Variants in PAXBP1 observed in about 807,000 individuals in gnomAD.
PAXBP1 encodes the protein PAX3- and PAX7-binding protein 1.
PAXBP1 carries 44 observed loss-of-function variants against 119.9 expected under a neutral mutation model. The observed-to-expected ratio is 0.37, with a 90% CI of 0.29 to 0.47. PAXBP1 has a LOEUF of 0.47. PAXBP1 is among the 20% of genes least tolerant of loss of function. PAXBP1 has a pLI of 0.99. For missense variants in PAXBP1, 898 were observed against 1,134.1 expected (o/e 0.79, Z 2.99); for synonymous variants, 393 against 406.6 (o/e 0.97, Z 0.40).
In PAXBP1 at chr21:32,739,937, TTAAAAA is replaced by T. The variant is rs1462732319; in HGVS notation, c.2335-1624_2335-1619del. 1.7e-3 allele frequency among the ~76,000 whole-genome samples: 105 copies of T among 62,812 alleles called. 3 individuals are homozygous for T. The South Asian group carries it at 0.02, about 12-fold the overall frequency. 41.2% of individuals were successfully genotyped at this position (62,812 alleles called of 152,430 possible). A position where few individuals can be genotyped will look rare whatever the true frequency, so the allele number is the denominator to read the frequency against. ...CTAGGCAACACAAGACCTCGTCTCTTTAAAAAAAAAAAAAAAAAAAAAAAAAAAAAG... is the reference window on the plus strand; with the variant it reads ...CTAGGCAACACAAGACCTCGTCTCTTAAAAAAAAAAAAAAAAAAAAAAAAG... On this transcript the variant is annotated intron_variant, in intron 15 of 17. Coordinates refer to ENST00000331923, the MANE Select transcript of PAXBP1 (RefSeq NM_016631.4).
intron 7 of PAXBP1, among the ~76,000 whole-genome samples, chr21:32,757,229 A>G (rs889732852): frequency 2.6e-5 from 4 of 152,164 alleles, no homozygotes; most frequent in African/African-American, 9.6e-5. Context: ...AAAGTATCCA[A>G]TTATTTCTAA....
intron 1 of PAXBP1, among the ~76,000 whole-genome samples, chr21:32,770,170 GTAACTTC>G: frequency 6.6e-6 from 1 of 152,162 alleles, no homozygotes; most frequent in Non-Finnish European, 1.5e-5. Context: ...AATAGCACAT[GTAACTTC>G]ACAAAATTTT....
intron 13 of PAXBP1, 106 bp from the exon 14 acceptor site, chr21:32,743,860 C>A: frequency 1.5e-6 from 1 of 649,182 alleles, no homozygotes; most frequent in Non-Finnish European, 2.6e-6. Context: ...GAACTAGTTT[C>A]TCAAATTTTT....
intron 17 of PAXBP1, 40 bp downstream of exon 17, chr21:32,737,214 A>C: frequency 1.4e-6 from 2 of 1,417,152 alleles, no homozygotes; most frequent in East Asian, 2.5e-5. Flanking sequence ...TCTGGCAACT[A>C]AACAACTCTA....
chr21:32,749,737 GT>G (rs1270336522), intron 10 of PAXBP1, among the ~76,000 whole-genome samples: 1 of 152,026 alleles, frequency 6.6e-6, no homozygotes, highest in African/African-American at 2.4e-5. Context: ...CTAAATTCCA[GT>G]TTACAAGAAA....
intron 8 of PAXBP1, 76 bp downstream of exon 8, chr21:32,755,154 C>G (rs1449914829): frequency 3.2e-6 from 4 of 1,253,962 alleles, no homozygotes; most frequent in Non-Finnish European, 4.2e-6. Flanking sequence ...GCTCCAAGAT[C>G]TCTAATTTTC....
chr21:32,746,167 G>T (rs1475660757), intron 11 of PAXBP1, among the ~76,000 whole-genome samples: 2 of 152,114 alleles, frequency 1.3e-5, no homozygotes, highest in African/African-American at 4.8e-5. Context: ...AAAAATCCTA[G>T]AAGAAAATCT....
chr21:32,747,819 G>A (rs942140103), intron 11 of PAXBP1, among the ~76,000 whole-genome samples: 13 of 144,546 alleles, frequency 9.0e-5, no homozygotes, highest in Non-Finnish European at 1.8e-4. Context: ...GGCAGGTCTT[G>A]TTCTATCACC....
intron 8 of PAXBP1, chr21:32,751,906 TTTCAG>T (rs1349512298): frequency 4.6e-5 from 7 of 152,274 alleles, no homozygotes; most frequent in African/African-American, 1.7e-4. Context: ...TAAATTTATA[TTTCAG>T]TTATCATATT....
chr21:32,771,574 A>T lies in PAXBP1; in HGVS notation c.95T>A (p.Leu32Ter). Reference protein sequence around the residue: ...ERDEEQEPPPLLPPPGTGEEA... With the variant: ...ERDEEQEPPP ...TTCGCCCGTGCCCGGCGGCGGCAAC[A>T]ACGGCGGCGGCTCCTGCTCCTCATC... The change falls in exon 1 of 18, where the codon TTG becomes TAG. Residue 32 changes from leucine to a stop codon, truncating the protein, a stop_gained. Transcript: ENST00000331923. LOFTEE classifies it high-confidence loss of function. The T allele has an allele frequency of 2.1e-6, 3 of 1,435,602 alleles. No homozygotes were observed. Among genetic ancestry groups the T allele is most frequent in the Non-Finnish European group, 2.7e-6 (3 of 1,098,264 alleles). The allele number at this position is 1,435,602 out of a possible 1,614,324, so 88.9% of individuals were successfully genotyped here.
rs748622609 is a variant in PAXBP1, at chr21:32,764,397, A to C, written c.600T>G (p.Thr200=). 1 of 1,613,846 alleles carries C rather than the reference A, an allele frequency of 6.2e-7. No homozygotes were observed. Among genetic ancestry groups the C allele is most frequent in the Non-Finnish European group, 8.5e-7 (1 of 1,179,888 alleles). ...ATAAAGCATTTGAAAAAGCTCCACCAGTCTTTGGCTTTTCTTCCTCTTTTT... is the reference window on the plus strand; with the variant it reads ...ATAAAGCATTTGAAAAAGCTCCACCCGTCTTTGGCTTTTCTTCCTCTTTTT... ...ESEKEEEKPK[T]GGAFSNALSS... Residue 200 remains threonine, a synonymous_variant, in exon 3 of 18, where the codon ACT becomes ACG. Transcript: ENST00000331923.
At chr21:32,750,887 A>G (rs1489110869) in intron 10 of PAXBP1, 30 bp downstream of exon 10, 1 of 1,516,618 alleles carries the variant, frequency 6.6e-7, no homozygotes, top group Admixed American at 1.8e-5. Context: ...TAAACTGATG[A>G]TGAGTCTTAT....
chr21:32,760,109 T>C (rs998635813), intron 5 of PAXBP1, 115 bp from the exon 6 acceptor site: 9 of 737,264 alleles, frequency 1.2e-5, no homozygotes, highest in African/African-American at 5.4e-5. Flanking sequence ...CCAAATATTA[T>C]GTAATAATTG....
rs2044107945 is a variant in PAXBP1 at position 32,759,817 on chromosome 21, G to A, written c.1153C>T (p.Pro385Ser). ...TTCTTTACCAAATCAATAGTAACGGGAGTCATCTCATTACTGGGAGTTTTG... is the reference window on the plus strand; with the variant it reads ...TTCTTTACCAAATCAATAGTAACGGAAGTCATCTCATTACTGGGAGTTTTG... ...PFKTPSNEMT[P>S]VTIDLVKKQL... is the part of the protein sequence containing the mutation. The change falls in exon 6 of 18, where the codon CCC becomes TCC. Residue 385 changes from proline (P) to serine (S), a missense_variant. By Grantham distance (74) the Pro-to-Ser change is moderately conservative. Around this residue, in one of 2 missense-constraint regions of PAXBP1, gnomAD observed 599 missense variants for 852.7 expected, o/e 0.70. Transcript: ENST00000331923. 1.2e-6 allele frequency: 2 copies of A among 1,613,922 alleles called. No homozygotes were observed. Among genetic ancestry groups the A allele is most frequent in the African/African-American group, 1.3e-5 (1 of 74,906 alleles).
chr21:32,740,803 T>G (rs913895934), intron 15 of PAXBP1, among the ~76,000 whole-genome samples: 1 of 151,484 alleles, frequency 6.6e-6, no homozygotes, highest in African/African-American at 2.4e-5. Flanking sequence ...AATGGAAAGA[T>G]AAGCCACAAA....
intron 2 of PAXBP1, among the ~76,000 whole-genome samples, chr21:32,768,799 GA>G (rs1449032913): frequency 1.3e-5 from 2 of 152,206 alleles, no homozygotes; most frequent in African/African-American, 4.8e-5. Context: ...TCTTTCACAT[GA>G]AACTTCTAAC....
intron 5 of PAXBP1, among the ~76,000 whole-genome samples, chr21:32,760,760 G>C (rs890403895): frequency 2.0e-5 from 3 of 152,078 alleles, no homozygotes; most frequent in African/African-American, 4.8e-5. Flanking sequence ...ATGAGCTACC[G>C]GGTAATGCTA....
Position 32,759,128 on chromosome 21 carries a change from T to C in PAXBP1, c.1335A>G (p.Gln445=). ...GGIGERYKFL[Q]EMRGYVQDLL... ...AGTCTTGGACATACCCTCGCATTTC[T>C]TGCAAAAATTTATACCGTTCACCAA... The change falls in exon 7 of 18, where the codon CAA becomes CAG. Residue 445 remains glutamine, a synonymous_variant. Transcript: ENST00000331923. 2 of 1,614,042 alleles carry C rather than the reference T, an allele frequency of 1.2e-6. No individual in the cohort carries two copies. Among genetic ancestry groups the C allele is most frequent in the Non-Finnish European group, 1.7e-6 (2 of 1,179,906 alleles).
In PAXBP1 at chr21:32,760,898, CGTGCGTGT is replaced by C. The variant is rs1476457975; in HGVS notation, c.975+153_975+160del. Among the ~76,000 whole-genome samples, 382 of 121,586 alleles carry C rather than the reference CGTGCGTGT, an allele frequency of 3.1e-3. 2 individuals carry two copies. The highest frequency in any genetic ancestry group is 0.01 in the African/African-American group (361 of 34,574). 79.8% of individuals were successfully genotyped at this position (121,586 alleles called of 152,430 possible). On this transcript the variant is annotated intron_variant, in intron 5 of 17. Transcript: ENST00000331923. ...AAGCCTACGTGTCTCTGTGTGCGTG[CGTGCGTGT>C]GTGTGTGTGTGTGTGTGTGTGTGTG...
Sources: allele counts gnomAD v4.1 joint callset (sites outside exome capture counted in the v4.1 genomes callset), GRCh38; gene constraint gnomAD v4.1.1; regional missense constraint gnomAD v4.1.1; transcripts MANE v1.5; gene names NCBI Gene and HGNC (gene_info 2026-07-23, HGNC 2026-07-21).